NSRP1: variants seen among roughly 807,000 people sequenced by gnomAD.
NSRP1 encodes the protein nuclear speckle splicing regulatory protein 1.
Under a neutral mutation model 54.7 loss-of-function variants are expected in NSRP1, and 24 were observed. That is an observed-to-expected ratio of 0.44 (90% CI 0.32 to 0.62). The LOEUF (loss-of-function observed/expected upper bound fraction) is 0.62. Ranked by LOEUF, NSRP1 falls within the 20% of genes least tolerant of loss-of-function variation. The pLI is 0.06. For synonymous variants in NSRP1, 210 were observed against 213.8 expected (o/e 0.98, Z 0.15); for missense variants, 596 against 651.2 (o/e 0.92, Z 0.92).
chr17:30,171,303 CTTTT>C (rs34039932), intron 2 of NSRP1, among the ~76,000 whole-genome samples: 2 of 108,368 alleles, frequency 1.8e-5, no homozygotes, highest in African/African-American at 3.5e-5. Flanking sequence ...TTGTAATTGT[CTTTT>C]TTTTTTTTTT....
chr17:30,122,523 G>T (rs1431416670), intron 2 of NSRP1: 2 of 144,954 alleles, frequency 1.4e-5, no homozygotes, highest in African/African-American at 5.1e-5. Flanking sequence ...TCCCGCCTCA[G>T]CCTCCTGAGT....
intron 2 of NSRP1, among the ~76,000 whole-genome samples, chr17:30,127,114 A>G (rs148210017): frequency 2.2e-3 from 330 of 152,358 alleles, no homozygotes; most frequent in African/African-American, 6.9e-3. Context: ...TATTTGACCC[A>G]TAGCCTACAA....
chr17:30,178,430 C>A (rs1905196709), intron 4 of NSRP1, among the ~76,000 whole-genome samples: 1 of 152,124 alleles, frequency 6.6e-6, no homozygotes, highest in Non-Finnish European at 1.5e-5. Flanking sequence ...GAAACCTTTG[C>A]AAATAGTTTT....
At chr17:30,179,612 C>T (rs1411879395) in intron 5 of NSRP1, among the ~76,000 whole-genome samples, 3 of 152,058 alleles carry the variant, frequency 2.0e-5, no homozygotes, top group Non-Finnish European at 4.4e-5. Context: ...AACGCCATGG[C>T]ATTTGTCAGA....
intron 3 of NSRP1, 73 bp downstream of exon 3, chr17:30,172,671 C>A: frequency 8.0e-7 from 1 of 1,246,040 alleles, no homozygotes; most frequent in Non-Finnish European, 1.1e-6. Context: ...GTTTTGGTAT[C>A]TAGGTGCTGA....
rs1394631471 is a variant in NSRP1 at position 30,173,189 on chromosome 17, C to T, written c.171+591C>T. 5.9e-5 allele frequency among the ~76,000 whole-genome samples: 9 copies of T among 152,126 alleles called. No individual in the cohort carries two copies. The East Asian group carries it at 1.4e-3, about 23-fold the overall frequency. On this transcript the variant is annotated intron_variant, in intron 3 of 6. Transcript: ENST00000247026. ...GTGTTGGTCAGGCTGGTCTGGAACCCGTGACCTCAGGTGATCCGCCAACCT... is the reference window on the plus strand; with the variant it reads ...GTGTTGGTCAGGCTGGTCTGGAACCTGTGACCTCAGGTGATCCGCCAACCT...
At chr17:30,134,647 A>C (rs76410976) in intron 2 of NSRP1, among the ~76,000 whole-genome samples, 1 of 152,334 alleles carries the variant, frequency 6.6e-6, no homozygotes, top group African/African-American at 2.4e-5. Context: ...GGGTACTTAG[A>C]TAATAGAGCT....
intron 2 of NSRP1, among the ~76,000 whole-genome samples, chr17:30,134,162 C>T (rs1390328878): frequency 1.3e-5 from 2 of 152,120 alleles, no homozygotes; most frequent in Non-Finnish European, 2.9e-5. Context: ...AGGAAAACAC[C>T]GGTTGGTGGA....
At chr17:30,175,408 G>T (rs564301106) in intron 3 of NSRP1, among the ~76,000 whole-genome samples, 18 of 151,728 alleles carry the variant, frequency 1.2e-4, no homozygotes, top group African/African-American at 4.1e-4. Flanking sequence ...GTTTTTTGGG[G>T]TTTTTTGTTT....
intron 2 of NSRP1, among the ~76,000 whole-genome samples, chr17:30,163,688 T>TC (rs1904622050): frequency 8.0e-6 from 1 of 125,222 alleles, no homozygotes; most frequent in African/African-American, 4.9e-5. Flanking sequence ...ACTTTTTTTT[T>TC]TTTTTTTTTT....
intron 2 of NSRP1, among the ~76,000 whole-genome samples, chr17:30,145,974 C>T (rs145059306): frequency 4.9e-4 from 74 of 151,462 alleles, no homozygotes; most frequent in African/African-American, 1.7e-3. Context: ...TTTTGTCTTC[C>T]GAGTAGCTAG....
chr17:30,174,934 T>C (rs1447021328), intron 3 of NSRP1, among the ~76,000 whole-genome samples: 1 of 152,238 alleles, frequency 6.6e-6, no homozygotes, highest in Non-Finnish European at 1.5e-5. Flanking sequence ...CTGGGCAGAA[T>C]AGGATGGTTT....
intron 2 of NSRP1, among the ~76,000 whole-genome samples, chr17:30,129,968 C>T (rs2071684781): frequency 6.6e-6 from 1 of 152,176 alleles, no homozygotes; most frequent in Non-Finnish European, 1.5e-5. Context: ...GCTAAAATTT[C>T]ATCCTTAACA....
At chr17:30,117,841 G>A (rs1597589125) in intron 1 of NSRP1, 2 of 330,162 alleles carry the variant, frequency 6.1e-6, no homozygotes, top group Non-Finnish European at 1.1e-5. Context: ...TCTCTTCTTT[G>A]ATAAAAATGG....
Position 30,133,936 on chromosome 17 carries a change from T to C in NSRP1, c.114+15763T>C, listed in dbSNP as rs181384668. ...CCTTTGCATTCAGAACTTGACTGTT[T>C]GACTGCAAGAAGCCTAGCTTTCAGC... is the stretch of plus-strand genomic sequence containing the variant. On this transcript the variant is annotated intron_variant, in intron 2 of 6. Coordinates refer to ENST00000247026, the MANE Select transcript of NSRP1 (RefSeq NM_032141.4). Among the ~76,000 whole-genome samples, 11 of 152,246 alleles carry C rather than the reference T, an allele frequency of 7.2e-5. No homozygotes were observed. In the East Asian group the frequency reaches 2.1e-3, roughly 29 times the overall value.
intron 1 of NSRP1, chr17:30,117,087 A>G (rs1269413441): frequency 1.3e-6 from 1 of 765,828 alleles, no homozygotes; most frequent in Middle Eastern, 2.3e-4. Flanking sequence ...AAATAAAGGA[A>G]GTTAGGCTGA....
intron 2 of NSRP1, among the ~76,000 whole-genome samples, chr17:30,160,044 C>G (rs1179465963): frequency 6.6e-6 from 1 of 151,902 alleles, no homozygotes. Flanking sequence ...TTTTTCTGCC[C>G]CAATTGAGAT....
intron 2 of NSRP1, among the ~76,000 whole-genome samples, chr17:30,161,613 G>A (rs1904518816): frequency 6.6e-6 from 1 of 152,202 alleles, no homozygotes; most frequent in African/African-American, 2.4e-5. Flanking sequence ...AGTATTGTAA[G>A]ACAGTTAGAT....
At chr17:30,145,483 T>G (rs558823263) in intron 2 of NSRP1, among the ~76,000 whole-genome samples, 1 of 152,098 alleles carries the variant, frequency 6.6e-6, no homozygotes. Context: ...CTTGGGAGAC[T>G]GAGGCAGGAG....
Sources: gnomAD v4.1 joint callset for allele counts (sites outside exome capture counted in the v4.1 genomes callset) on GRCh38, gnomAD v4.1.1 for gene constraint, MANE v1.5 for transcripts, NCBI Gene and HGNC (gene_info 2026-07-23, HGNC 2026-07-21) for gene names.